PPARGC1A: variants seen among roughly 807,000 people sequenced by gnomAD.
PPARGC1A encodes PPARG coactivator 1 alpha.
PPARGC1A carries 25 observed loss-of-function variants against 88.7 expected under a neutral mutation model. That is an observed-to-expected ratio of 0.28 (90% confidence interval 0.21 to 0.39). PPARGC1A has a LOEUF of 0.39. PPARGC1A is among the 10% of genes least tolerant of loss of function. PPARGC1A has a pLI of 1.00. For synonymous variants in PPARGC1A, 363 were observed against 355.6 expected, an observed-to-expected ratio of 1.02 and a Z score of -0.24; for missense variants, 880 against 968.7, an observed-to-expected ratio of 0.91 and a Z score of 1.22.
At chr4:24,206,366 A>G in the PPARGC1A span, among the ~76,000 whole-genome samples, 1 of 152,250 alleles carries the variant, frequency 6.6e-6, no homozygotes, top group Non-Finnish European at 1.5e-5. Context: ...AAATGTCTCA[A>G]TTATCTCACC....
the PPARGC1A span, among the ~76,000 whole-genome samples, chr4:24,052,413 G>A: frequency 4.5e-4 from 69 of 152,148 alleles, no homozygotes; most frequent in African/African-American, 1.4e-3. Context: ...GAGGCAGGTG[G>A]ATCACCTGAG....
the PPARGC1A span, among the ~76,000 whole-genome samples, chr4:24,156,667 C>T: frequency 6.6e-6 from 1 of 151,732 alleles, no homozygotes; most frequent in Non-Finnish European, 1.5e-5. Flanking sequence ...TTCACAATTG[C>T]TCCTCTTTAT....
chr4:23,812,604 G>C, intron 10 of PPARGC1A, 143 bp downstream of exon 10: 9 of 1,289,024 alleles, frequency 7.0e-6, no homozygotes, highest in Non-Finnish European at 9.6e-6. Context: ...AAGACTTATG[G>C]ATATTTTAAA....
the PPARGC1A span, among the ~76,000 whole-genome samples, chr4:24,386,630 C>A: frequency 0.34 from 52,122 of 151,936 alleles, 10,220 homozygotes; most frequent in East Asian, 0.43. Flanking sequence ...CATGAATGAA[C>A]TCCCATTCAC....
chr4:23,948,309 G>A, the PPARGC1A span, among the ~76,000 whole-genome samples: 4 of 152,106 alleles, frequency 2.6e-5, no homozygotes, highest in Non-Finnish European at 5.9e-5. Flanking sequence ...TTTCTTCTAT[G>A]TAATACTATT....
the PPARGC1A span, among the ~76,000 whole-genome samples, chr4:24,254,357 T>C: frequency 6.6e-6 from 1 of 152,316 alleles, no homozygotes; most frequent in Non-Finnish European, 1.5e-5. Flanking sequence ...AGCCCAGCTC[T>C]GGAGCCTGTC....
rs1238342526 is a variant in PPARGC1A at position 23,814,272 on chromosome 4, A to C, written c.1211T>G (p.Leu404Arg). Residue 404 changes from leucine to arginine, a missense_variant, in exon 8 of 13, where the codon CTC (leucine) becomes CGC (arginine). Leu to Arg is a moderately radical substitution (Grantham distance 102). Coordinates refer to ENST00000264867, the MANE Select transcript of PPARGC1A (RefSeq NM_013261.5). ...TEILINISQE[L>R]QDSRQLENKD... ...ATTTTCTAGTTGTCTAGAGTCTTGG[A>C]GCTCCTGTGATATATTAATGAGTAT... 6.2e-7 allele frequency: 1 copy of C among 1,614,022 alleles called. No individual in the cohort carries two copies.
chr4:24,295,341 C>A, the PPARGC1A span, among the ~76,000 whole-genome samples: 5 of 152,002 alleles, frequency 3.3e-5, no homozygotes, highest in Admixed American at 1.3e-4. Context: ...GCCAAATATA[C>A]CCTCTCTTTT....
chr4:24,290,608 G>A, the PPARGC1A span, among the ~76,000 whole-genome samples: 11 of 152,148 alleles, frequency 7.2e-5, no homozygotes, highest in Admixed American at 2.6e-4. Context: ...TTCCTTGAAT[G>A]CCCACTCACT....
chr4:23,859,810 TA>T, intron 2 of PPARGC1A, among the ~76,000 whole-genome samples: 1 of 61,630 alleles, frequency 1.6e-5, no homozygotes, highest in East Asian at 4.5e-4. Flanking sequence ...TAAAATAAAA[TA>T]AAATAAAATA....
chr4:24,335,518 C>T, the PPARGC1A span, among the ~76,000 whole-genome samples: 1 of 152,164 alleles, frequency 6.6e-6, no homozygotes, highest in African/African-American at 2.4e-5. Context: ...CAGCCAACAA[C>T]CACTGTCAGC....
chr4:23,914,293 A>G, the PPARGC1A span, among the ~76,000 whole-genome samples: 3 of 152,196 alleles, frequency 2.0e-5, no homozygotes, highest in Admixed American at 1.3e-4. Flanking sequence ...ATATTTTTTA[A>G]TATCCTTTTC....
At chr4:23,796,707 A>G (rs1036482944) in intron 12 of PPARGC1A, among the ~76,000 whole-genome samples, 7 of 152,154 alleles carry the variant, frequency 4.6e-5, no homozygotes, top group African/African-American at 1.7e-4. Context: ...ATTGACTTCT[A>G]TGAAAAAGCT....
chr4:24,310,648 G>A, the PPARGC1A span, among the ~76,000 whole-genome samples: 5 of 152,126 alleles, frequency 3.3e-5, no homozygotes, highest in African/African-American at 1.2e-4. Flanking sequence ...TTTTCTATGT[G>A]AGTTCAACTG....
At chr4:24,143,974 C>T in the PPARGC1A span, among the ~76,000 whole-genome samples, 2,489 of 152,310 alleles carry the variant, frequency 0.016, 64 homozygotes, top group African/African-American at 0.056. Context: ...TTTGACTGAA[C>T]AACAAGTACA....
the PPARGC1A span, among the ~76,000 whole-genome samples, chr4:24,377,843 A>G: frequency 1.3e-5 from 2 of 152,218 alleles, no homozygotes; most frequent in East Asian, 3.8e-4. Context: ...TGGGGATGAC[A>G]TATTGTTTCT....
At chr4:24,232,473 A>G in the PPARGC1A span, among the ~76,000 whole-genome samples, 2 of 152,226 alleles carry the variant, frequency 1.3e-5, no homozygotes, top group Non-Finnish European at 2.9e-5. Flanking sequence ...GACTAATGTT[A>G]TATAGAAGTA....
the PPARGC1A span, among the ~76,000 whole-genome samples, chr4:24,091,811 A>G: frequency 6.6e-6 from 1 of 152,074 alleles, no homozygotes; most frequent in Non-Finnish European, 1.5e-5. Flanking sequence ...GGGCCGGTGG[A>G]CAATGGGTCA....
chr4:24,401,769 T>A, the PPARGC1A span, among the ~76,000 whole-genome samples: 1 of 151,894 alleles, frequency 6.6e-6, no homozygotes. Context: ...AATCTACAAA[T>A]AGGCATGACA....
Sources: allele counts gnomAD v4.1 joint callset (sites outside exome capture counted in the v4.1 genomes callset), GRCh38; gene constraint gnomAD v4.1.1; transcripts MANE v1.5; gene names NCBI Gene and HGNC (gene_info 2026-07-23, HGNC 2026-07-21).